PVT1: variants seen among roughly 807,000 people sequenced by gnomAD.
The protein encoded by PVT1 is CXCR4/PVT1 fusion.
chr8:127,896,779 C>G (rs4733805), intron 3 of PVT1, among the ~76,000 whole-genome samples: 4,684 of 135,002 alleles, frequency 0.035, 98 homozygotes, highest in Middle Eastern at 0.13. Context: ...TTTCCTCCCC[C>G]CCCCCGCCCC....
chr8:127,837,190 T>C (rs192444629), intron 2 of PVT1, among the ~76,000 whole-genome samples: 2 of 152,266 alleles, frequency 1.3e-5, no homozygotes, highest in Admixed American at 1.3e-4. Flanking sequence ...GGGCTGACTG[T>C]AGAGATAGAC....
At chr8:127,932,095 G>A (rs998224731) in intron 3 of PVT1, among the ~76,000 whole-genome samples, 2 of 152,234 alleles carry the variant, frequency 1.3e-5, no homozygotes, top group African/African-American at 2.4e-5. Flanking sequence ...CTTTGGCGGT[G>A]GACAGTCTGT....
chr8:127,848,245 A>G (rs924103494), intron 2 of PVT1, among the ~76,000 whole-genome samples: 1 of 152,178 alleles, frequency 6.6e-6, no homozygotes, highest in Admixed American at 6.5e-5. Context: ...TCCCGGTTGC[A>G]TATCCCTATA....
intron 3 of PVT1, chr8:127,932,620 G>C: frequency 5.0e-6 from 2 of 398,348 alleles, no homozygotes; most frequent in East Asian, 3.6e-5. Flanking sequence ...TCGTAGACAT[G>C]GTACCTGATG....
At chr8:127,905,909 T>C (rs1053290117) in intron 3 of PVT1, among the ~76,000 whole-genome samples, 1 of 152,214 alleles carries the variant, frequency 6.6e-6, no homozygotes, top group Non-Finnish European at 1.5e-5. Flanking sequence ...TGAGGCAAGT[T>C]ATTTAACTTC....
At chr8:127,897,899 GAAAA>G (rs869080886) in intron 3 of PVT1, among the ~76,000 whole-genome samples, 2 of 99,606 alleles carry the variant, frequency 2.0e-5, no homozygotes, top group Admixed American at 1.2e-4. Context: ...AAGAAAGAAA[GAAAA>G]AAAGACAGAC....
intron 2 of PVT1, among the ~76,000 whole-genome samples, chr8:127,889,032 CTTTCTT>C (rs200172829): frequency 1.0e-4 from 7 of 67,966 alleles, no homozygotes; most frequent in Admixed American, 3.8e-4. Flanking sequence ...TCCTTTCTCT[CTTTCTT>C]TCTTCCTTCC....
intron 4 of PVT1, among the ~76,000 whole-genome samples, chr8:128,041,028 G>A (rs866422156): frequency 2.9e-4 from 26 of 89,364 alleles, no homozygotes; most frequent in East Asian, 1.2e-3. Context: ...CTTTGTGCTC[G>A]TGTGTGTTGA....
intron 3 of PVT1, among the ~76,000 whole-genome samples, chr8:127,935,500 C>T (rs1675218960): frequency 6.6e-6 from 1 of 151,920 alleles, no homozygotes; most frequent in Admixed American, 6.6e-5. Context: ...TTATGATCCC[C>T]TGTTGTAGAA....
intron 3 of PVT1, among the ~76,000 whole-genome samples, chr8:127,929,691 C>A (rs1314451813): frequency 6.6e-6 from 1 of 152,006 alleles, no homozygotes; most frequent in Non-Finnish European, 1.5e-5. Context: ...TGGCGTGAAC[C>A]CGGGAGGCGG....
chr8:127,973,834 G>A (rs1275239589), intron 3 of PVT1, among the ~76,000 whole-genome samples: 1 of 151,914 alleles, frequency 6.6e-6, no homozygotes, highest in Non-Finnish European at 1.5e-5. Context: ...AAAAAAATTA[G>A]CCGGGCGTGG....
intron 6 of PVT1, chr8:128,099,799 C>A (rs922124286): frequency 6.6e-6 from 1 of 151,208 alleles, no homozygotes; most frequent in Non-Finnish European, 1.5e-5. Context: ...CTAGAACGTT[C>A]TTTTAAAACT....
intron 3 of PVT1, among the ~76,000 whole-genome samples, chr8:127,988,706 A>G (rs1357404249): frequency 6.6e-6 from 1 of 152,252 alleles, no homozygotes; most frequent in South Asian, 2.1e-4. Context: ...CATGGCTCAC[A>G]TGATCCCCAC....
At chr8:127,980,791 C>CTTTTTT (rs11361552) in intron 3 of PVT1, among the ~76,000 whole-genome samples, 29 of 120,420 alleles carry the variant, frequency 2.4e-4, no homozygotes, top group Non-Finnish European at 2.7e-4. Flanking sequence ...ACTACAGCTT[C>CTTTTTT]TTTTTTTTTT....
intron 2 of PVT1, among the ~76,000 whole-genome samples, chr8:127,830,626 A>G (rs1284980101): frequency 2.0e-5 from 3 of 152,134 alleles, no homozygotes; most frequent in East Asian, 1.9e-4. Context: ...CATGCCTACT[A>G]TAGTCCTAGC....
chr8:127,980,450 A>G (rs1228383127), intron 3 of PVT1, among the ~76,000 whole-genome samples: 1 of 152,108 alleles, frequency 6.6e-6, no homozygotes, highest in Non-Finnish European at 1.5e-5. Flanking sequence ...TTCCTGGACG[A>G]TGGGCTCTGG....
intron 4 of PVT1, among the ~76,000 whole-genome samples, chr8:128,048,100 A>T (rs1813642295): frequency 6.6e-6 from 1 of 152,182 alleles, no homozygotes; most frequent in Non-Finnish European, 1.5e-5. Flanking sequence ...GCATTCACAA[A>T]CACACTTAAC....
intron 4 of PVT1, among the ~76,000 whole-genome samples, chr8:127,995,919 C>T (rs1417882104): frequency 6.6e-6 from 1 of 150,454 alleles, no homozygotes; most frequent in Non-Finnish European, 1.5e-5. Context: ...TTTTTTTAAA[C>T]TTAAGGCTAA....
intron 2 of PVT1, among the ~76,000 whole-genome samples, chr8:127,874,664 G>T (rs1055271551): frequency 3.9e-5 from 6 of 152,198 alleles, no homozygotes; most frequent in Admixed American, 3.9e-4. Flanking sequence ...TTAGCAGTGG[G>T]TATTACCTTT....
Sources: allele counts gnomAD v4.1 joint callset (sites outside exome capture counted in the v4.1 genomes callset), GRCh38; gene constraint gnomAD v4.1.1; transcripts MANE v1.5; gene names NCBI Gene and HGNC (gene_info 2026-07-23, HGNC 2026-07-21).